Variants in COG5 observed in about 807,000 individuals in gnomAD.
The protein encoded by COG5 is conserved oligomeric Golgi complex subunit 5.
A neutral mutation model predicts 110.4 loss-of-function variants in COG5; 86 were observed. The observed-to-expected ratio is 0.78, with a 90% confidence interval of 0.65 to 0.93. The LOEUF is 0.93. Among genes scored for constraint, COG5 ranks in the 40% least tolerant of loss-of-function variants. COG5 has a pLI of 0.00. For synonymous variants in COG5, 360 were observed against 334.6 expected (o/e 1.08, Z -0.83); for missense variants, 1,077 against 987.0 (o/e 1.09, Z -1.22).
intron 6 of COG5, among the ~76,000 whole-genome samples, chr7:107,516,962 G>C (rs895850338): frequency 6.6e-6 from 1 of 152,082 alleles, no homozygotes; most frequent in Non-Finnish European, 1.5e-5. Flanking sequence ...CCAAATGATC[G>C]CAACAGCTCT....
chr7:107,285,038 A>G lies in COG5; in HGVS notation c.1314-1306T>C, dbSNP rs573653008. Among the ~76,000 whole-genome samples the G allele has an allele frequency of 1.5e-3, 222 of 152,280 alleles. 4 individuals carry two copies. The highest frequency in any genetic ancestry group is 1.3e-3 in the Non-Finnish European group (87 of 68,020). On this transcript the variant is annotated intron_variant, in intron 12 of 21. Coordinates refer to ENST00000297135, the MANE Select transcript of COG5 (RefSeq NM_006348.5). Reference sequence around the variant, plus strand: ...CTCTTGGCTCCAACATCATAATTCCATAGTTATCTCTTAATGTTTTCTCAT... The same window carrying G: ...CTCTTGGCTCCAACATCATAATTCCGTAGTTATCTCTTAATGTTTTCTCAT...
At chr7:107,319,645 A>G (rs1266219162) in intron 11 of COG5, among the ~76,000 whole-genome samples, 4 of 152,248 alleles carry the variant, frequency 2.6e-5, no homozygotes, top group African/African-American at 9.6e-5. Flanking sequence ...GAGAACATCT[A>G]AAGTAGCAGT....
intron 10 of COG5, among the ~76,000 whole-genome samples, chr7:107,351,946 C>T (rs1428678516): frequency 2.0e-5 from 3 of 147,254 alleles, no homozygotes; most frequent in African/African-American, 7.3e-5. Flanking sequence ...TTTGACCCAG[C>T]CATCCCATTA....
chr7:107,418,092 T>C (rs949381936), intron 6 of COG5, among the ~76,000 whole-genome samples: 1 of 152,120 alleles, frequency 6.6e-6, no homozygotes, highest in Non-Finnish European at 1.5e-5. Flanking sequence ...CAAAAGCAAA[T>C]ATCAAAATAT....
intron 6 of COG5, chr7:107,450,379 GACA>G (rs2129092981): frequency 6.6e-6 from 1 of 152,308 alleles, no homozygotes; most frequent in East Asian, 1.9e-4. Context: ...TATCATTTGA[GACA>G]ACACTAGCCT....
intron 10 of COG5, among the ~76,000 whole-genome samples, chr7:107,353,856 C>CAAA (rs1482627884): frequency 6.7e-6 from 1 of 148,682 alleles, no homozygotes; most frequent in East Asian, 2.0e-4. Context: ...CAGAATCCCA[C>CAAA]TATCATGTGG....
At chr7:107,218,641 A>G (rs1799685492) in intron 19 of COG5, among the ~76,000 whole-genome samples, 1 of 152,148 alleles carries the variant, frequency 6.6e-6, no homozygotes, top group African/African-American at 2.4e-5. Flanking sequence ...GGACAACTGG[A>G]TATCCATCTA....
At chr7:107,407,171 C>G (rs896307921) in intron 7 of COG5, among the ~76,000 whole-genome samples, 1 of 152,102 alleles carries the variant, frequency 6.6e-6, no homozygotes, top group Non-Finnish European at 1.5e-5. Context: ...CATCTGAGGT[C>G]AGGAGTTTGA....
chr7:107,485,101 C>A (rs1248997844), intron 6 of COG5, among the ~76,000 whole-genome samples: 1 of 152,108 alleles, frequency 6.6e-6, no homozygotes, highest in Non-Finnish European at 1.5e-5. Flanking sequence ...TCTCTCTCAA[C>A]AAAATTAGGG....
intron 20 of COG5, 38 bp downstream of exon 20, chr7:107,211,061 G>C: frequency 6.2e-7 from 1 of 1,611,306 alleles, no homozygotes; most frequent in Non-Finnish European, 8.5e-7. Flanking sequence ...GTAATGGGAA[G>C]AGTCACAAAA....
chr7:107,422,383 C>G lies in COG5; in HGVS notation c.539-9751G>C, dbSNP rs926872476. ...TACTACTAAAAATACAAAAATTAGC[C>G]GGACATGGTGGCATGCCCCTGTAAT... On this transcript the variant is annotated intron_variant, in intron 6 of 21. Transcript: ENST00000297135. 2.0e-5 allele frequency among the ~76,000 whole-genome samples: 3 copies of G among 151,928 alleles called. No individual in the cohort carries two copies. The East Asian group carries it at 5.8e-4, about 29-fold the overall frequency.
At chr7:107,335,390 A>C (rs941198557) in intron 10 of COG5, among the ~76,000 whole-genome samples, 1 of 152,210 alleles carries the variant, frequency 6.6e-6, no homozygotes, top group Admixed American at 6.5e-5. Context: ...ACTTCATCTC[A>C]AAAAGTAATA....
intron 7 of COG5, among the ~76,000 whole-genome samples, chr7:107,398,504 TG>T (rs375575381): frequency 3.1e-4 from 47 of 152,316 alleles, no homozygotes; most frequent in African/African-American, 1.0e-3. Flanking sequence ...ACATAGGTTG[TG>T]TGCTCCTTAT....
At chr7:107,261,870 G>A (rs1021071163) in intron 14 of COG5, among the ~76,000 whole-genome samples, 3 of 151,348 alleles carry the variant, frequency 2.0e-5, no homozygotes, top group East Asian at 1.9e-4. Flanking sequence ...TACACAGTAG[G>A]TAGATATATT....
intron 14 of COG5, among the ~76,000 whole-genome samples, chr7:107,270,450 T>C (rs1804160900): frequency 6.6e-6 from 1 of 152,064 alleles, no homozygotes; most frequent in East Asian, 1.9e-4. Flanking sequence ...TCAGTAGAGA[T>C]GGGGTTTCGC....
intron 5 of COG5, among the ~76,000 whole-genome samples, chr7:107,541,517 A>ATATAT (rs1477119174): frequency 1.4e-4 from 14 of 96,736 alleles, no homozygotes; most frequent in South Asian, 3.1e-4. Context: ...AAAAAAAAAA[A>ATATAT]AAAAAAATAT....
chr7:107,506,302 C>T (rs753543649), intron 6 of COG5, among the ~76,000 whole-genome samples: 2 of 152,168 alleles, frequency 1.3e-5, no homozygotes, highest in East Asian at 3.8e-4. Context: ...TACCCAGGGG[C>T]AGTGCTTTGG....
intron 10 of COG5, among the ~76,000 whole-genome samples, chr7:107,340,650 G>C (rs1010195436): frequency 3.3e-5 from 5 of 152,062 alleles, no homozygotes; most frequent in African/African-American, 1.2e-4. Flanking sequence ...CTAGCAAATG[G>C]AATCCAACAG....
chr7:107,244,813 GACTA>G (rs1189069254), intron 17 of COG5, among the ~76,000 whole-genome samples: 1 of 152,114 alleles, frequency 6.6e-6, no homozygotes, highest in Non-Finnish European at 1.5e-5. Flanking sequence ...ATGAATTGCT[GACTA>G]ACTAAAAAAA....
Sources: gnomAD v4.1 joint callset for allele counts (sites outside exome capture counted in the v4.1 genomes callset) on GRCh38, gnomAD v4.1.1 for gene constraint, MANE v1.5 for transcripts, NCBI Gene and HGNC (gene_info 2026-07-23, HGNC 2026-07-21) for gene names.